Variants in CD109 observed in about 807,000 individuals in gnomAD.
CD109 encodes CD109 antigen.
A neutral mutation model predicts 165.8 loss-of-function variants in CD109; 149 were observed. The observed-to-expected ratio is 0.90, with a 90% CI of 0.79 to 1.03. The LOEUF (loss-of-function observed/expected upper bound fraction) is 1.03, where lower values mean the gene tolerates loss of function less well. Ranked by LOEUF, CD109 falls within the 50% of genes least tolerant of loss-of-function variation. CD109 has a pLI of 0.00. For synonymous variants in CD109, 585 were observed against 592.1 expected (o/e 0.99, Z 0.18); for missense variants, 1,712 against 1,677.8 (o/e 1.02, Z -0.36).
At chr6:73,711,871 G>A (rs1026590334) in intron 2 of CD109, among the ~76,000 whole-genome samples, 2 of 152,112 alleles carry the variant, frequency 1.3e-5, no homozygotes, top group Non-Finnish European at 2.9e-5. Flanking sequence ...TATAGATTTA[G>A]GGGGTACATG....
rs776187698 is a variant in CD109 at position 73,766,781 on chromosome 6, G to A, written c.1355G>A (p.Ser452Asn). The A allele has an allele frequency of 5.6e-6, 9 of 1,612,360 alleles. No individual in the cohort carries two copies. Among genetic ancestry groups the A allele is most frequent in the Non-Finnish European group, 7.6e-6 (9 of 1,179,002 alleles). ...QLKAYFLGSK[S>N]SMAVHSLFKS... ...TAGGCCTATTTCCTTGGTAGTAAAA[G>A]TAGCATGGCAGTTCATAGTCTGTTT... Residue 452 changes from serine to asparagine, a missense_variant, in exon 12 of 33, where the codon AGT becomes AAT. Transcript: ENST00000287097.
At chr6:73,751,966 G>C (rs1773205603) in intron 5 of CD109, among the ~76,000 whole-genome samples, 1 of 152,156 alleles carries the variant, frequency 6.6e-6, no homozygotes, top group Admixed American at 6.5e-5. Flanking sequence ...TATTGTCTTG[G>C]GGGCTAAACG....
chr6:73,796,274 G>A (rs962227660), intron 23 of CD109, among the ~76,000 whole-genome samples: 5 of 152,170 alleles, frequency 3.3e-5, no homozygotes, highest in Non-Finnish European at 2.9e-5. Context: ...AGCCTACAGG[G>A]TCCTGGGTGA....
chr6:73,710,927 G>A (rs1771513298), intron 2 of CD109, among the ~76,000 whole-genome samples: 1 of 152,164 alleles, frequency 6.6e-6, no homozygotes, highest in Admixed American at 6.5e-5. Context: ...TGTACCAGCA[G>A]AACTTTATTT....
At chr6:73,692,164 C>T (rs969225123), upstream of CD109, among the ~76,000 whole-genome samples, 2 of 152,014 alleles carry the variant, frequency 1.3e-5, no homozygotes, top group African/African-American at 2.4e-5. Context: ...GCCCCACCTC[C>T]GAAATTGGGG....
intron 6 of CD109, among the ~76,000 whole-genome samples, chr6:73,758,419 T>C (rs145756269): frequency 2.3e-4 from 35 of 152,326 alleles, no homozygotes; most frequent in Middle Eastern, 6.8e-3. Context: ...GGAGTCTCAC[T>C]GTGTCACTCA....
intron 2 of CD109, among the ~76,000 whole-genome samples, chr6:73,722,157 A>G (rs2150168400): frequency 6.6e-6 from 1 of 152,366 alleles, no homozygotes; most frequent in African/African-American, 2.4e-5. Flanking sequence ...TCTATCATAA[A>G]AATTTGAAGA....
chr6:73,754,858 A>G (rs967532160), intron 5 of CD109, among the ~76,000 whole-genome samples: 1 of 152,224 alleles, frequency 6.6e-6, no homozygotes. Context: ...AAACCCCAGG[A>G]CACTGTCAGT....
chr6:73,724,738 C>T (rs1400521804), intron 3 of CD109, among the ~76,000 whole-genome samples: 4 of 151,794 alleles, frequency 2.6e-5, no homozygotes, highest in Admixed American at 1.3e-4. Context: ...CTCAGCCTCC[C>T]GACTACTGGC....
At chr6:73,767,150 A>T (rs748856222) in intron 13 of CD109, 140 bp downstream of exon 13, 4 of 695,032 alleles carry the variant, frequency 5.8e-6, no homozygotes, top group Non-Finnish European at 7.3e-6. Flanking sequence ...TTATTTCATC[A>T]CCCAGGTATT....
At chr6:73,748,684 A>C (rs1458839408) in intron 5 of CD109, among the ~76,000 whole-genome samples, 1 of 152,224 alleles carries the variant, frequency 6.6e-6, no homozygotes, top group African/African-American at 2.4e-5. Context: ...TAGGAACTGG[A>C]CACCTCTATT....
intron 3 of CD109, among the ~76,000 whole-genome samples, chr6:73,726,288 C>A (rs925769280): frequency 1.3e-5 from 2 of 151,976 alleles, no homozygotes; most frequent in African/African-American, 4.8e-5. Flanking sequence ...ACTAAAATAA[C>A]CCCCAATATG....
intron 7 of CD109, among the ~76,000 whole-genome samples, chr6:73,761,017 ACAC>A (rs1562051475): frequency 0.025 from 32 of 1,284 alleles, no homozygotes; most frequent in African/African-American, 0.041. Flanking sequence ...GTGTCTAAAC[ACAC>A]ACACACACAC....
intron 26 of CD109, 22 bp from the exon 27 acceptor site, chr6:73,809,962 T>C: frequency 6.4e-7 from 1 of 1,569,618 alleles, no homozygotes; most frequent in East Asian, 2.4e-5. Flanking sequence ...TTGATCAGAA[T>C]GTTATTACTT....
chr6:73,755,095 A>G (rs757877659), intron 5 of CD109, among the ~76,000 whole-genome samples: 3 of 152,232 alleles, frequency 2.0e-5, no homozygotes, highest in Non-Finnish European at 4.4e-5. Flanking sequence ...AAAGACTAGC[A>G]TTCTTATGTT....
chr6:73,791,118 C>CATATAT (rs574272386), intron 22 of CD109, among the ~76,000 whole-genome samples: 1,256 of 63,460 alleles, frequency 0.02, 40 homozygotes, highest in Non-Finnish European at 0.029. Flanking sequence ...TATTTGGAGG[C>CATATAT]ATATATATAC....
chr6:73,819,801 G>T lies in CD109; in HGVS notation c.4060-660G>T, dbSNP rs180924694. Among the ~76,000 whole-genome samples, 236 of 152,290 alleles carry T rather than the reference G, an allele frequency of 1.5e-3. 3 individuals are homozygous for T. Among genetic ancestry groups the T allele is most frequent in the African/African-American group, 5.5e-3 (228 of 41,558 alleles). ...AGGTTTTAGTTTAGTTGTGTAATTG[G>T]TTTTGGAGTTTGTCTTCTATCTTTG... On this transcript the variant is annotated intron_variant, in intron 31 of 32. Transcript: ENST00000287097.
At chr6:73,798,875 T>C (rs754290987) in intron 23 of CD109, among the ~76,000 whole-genome samples, 6 of 152,188 alleles carry the variant, frequency 3.9e-5, no homozygotes, top group Non-Finnish European at 7.3e-5. Context: ...TGGAGGCACA[T>C]GGTCCTCTCC....
At chr6:73,752,455 T>C (rs1346285195) in intron 5 of CD109, among the ~76,000 whole-genome samples, 2 of 152,192 alleles carry the variant, frequency 1.3e-5, no homozygotes, top group African/African-American at 4.8e-5. Context: ...TTGTCTAATT[T>C]CTGTAACATA....
Sources: allele counts gnomAD v4.1 joint callset (sites outside exome capture counted in the v4.1 genomes callset), GRCh38; gene constraint gnomAD v4.1.1; transcripts MANE v1.5; gene names NCBI Gene and HGNC (gene_info 2026-07-23, HGNC 2026-07-21).